FCRL5: variants seen among roughly 807,000 people sequenced by gnomAD.
The protein encoded by FCRL5 is Fc receptor-like protein 5.
Under a neutral mutation model 92.1 loss-of-function variants are expected in FCRL5, and 79 were observed. That is an observed-to-expected ratio of 0.86 (90% CI 0.72 to 1.03). The LOEUF is 1.03. Among genes scored for constraint, FCRL5 ranks in the 50% least tolerant of loss-of-function variants. The pLI is 0.00. For missense variants in FCRL5, 1,160 were observed against 1,181.1 expected, an observed-to-expected ratio of 0.98 and a Z score of 0.26; for synonymous variants, 466 against 469.3, an observed-to-expected ratio of 0.99 and a Z score of 0.09.
intron 6 of FCRL5, among the ~76,000 whole-genome samples, chr1:157,540,829 G>A (rs143598510): frequency 4.6e-5 from 7 of 152,290 alleles, no homozygotes; most frequent in Non-Finnish European, 8.8e-5. Flanking sequence ...AAGTTCTGGT[G>A]TTTGTATATT....
At chr1:157,544,674 T>A in intron 4 of FCRL5, 128 bp from the exon 5 acceptor site, 1 of 1,429,360 alleles carries the variant, frequency 7.0e-7, no homozygotes, top group East Asian at 2.3e-5. Context: ...CTAGCTTCCT[T>A]CAGCCCAAAA....
At chr1:157,543,963 T>C (rs1178484456) in intron 5 of FCRL5, among the ~76,000 whole-genome samples, 1 of 148,056 alleles carries the variant, frequency 6.8e-6, no homozygotes, top group Admixed American at 6.7e-5. Flanking sequence ...CCATGGCTTA[T>C]CCCTATGGGC....
chr1:157,546,890 A>G (rs1651562503), intron 3 of FCRL5, 53 bp downstream of exon 3: 2 of 1,583,310 alleles, frequency 1.3e-6, no homozygotes, highest in Non-Finnish European at 1.7e-6. Flanking sequence ...AGCTAGAGAG[A>G]AACATGGGCT....
chr1:157,518,874 G>T, intron 13 of FCRL5, 92 bp from the exon 14 acceptor site: 1 of 986,484 alleles, frequency 1.0e-6, no homozygotes, highest in Non-Finnish European at 1.5e-6. Flanking sequence ...ACTGCAGGGT[G>T]GCTGCCAGGC....
chr1:157,537,995 G>T (rs1404511245), intron 7 of FCRL5, among the ~76,000 whole-genome samples: 2 of 152,146 alleles, frequency 1.3e-5, no homozygotes, highest in Non-Finnish European at 2.9e-5. Flanking sequence ...GCAGGGCCAG[G>T]TTAGTGTAGT....
rs1571077081 is a variant in FCRL5 at position 157,521,405 on chromosome 1, A to G, written c.2240-113T>C. On this transcript the variant is annotated intron_variant, in intron 10 of 16. Coordinates refer to ENST00000361835, the MANE Select transcript of FCRL5 (RefSeq NM_031281.3). ...ATATCTCAATCTTGGAAAGTAGATT[A>G]AAACATAGATGATAAAGCTAATTAC... 4 of 1,281,066 alleles carry G rather than the reference A, an allele frequency of 3.1e-6. No individual in the cohort carries two copies. In the East Asian group the frequency reaches 1.0e-4, roughly 33 times the overall value. 79.4% of individuals were successfully genotyped at this position (1,281,066 alleles called of 1,614,324 possible). A position where few individuals can be genotyped will look rare whatever the true frequency, so the allele number is the denominator to read the frequency against.
Position 157,521,312 on chromosome 1 carries a change from C to T in FCRL5, c.2240-20G>A. ...CCGGAACTGAAAGAGAACAAAAAGT[C>T]AACAGCAGTTTCTGCTTCTAACATA... On this transcript the variant is annotated intron_variant, in intron 10 of 16. Transcript: ENST00000361835. The T allele has an allele frequency of 6.3e-7, 1 of 1,576,640 alleles. No homozygotes were observed. Among genetic ancestry groups the T allele is most frequent in the Non-Finnish European group, 8.6e-7 (1 of 1,163,766 alleles).
At chr1:157,532,666 C>G (rs1650753045) in intron 8 of FCRL5, 2 of 152,128 alleles carry the variant, frequency 1.3e-5, no homozygotes, top group South Asian at 4.1e-4. Flanking sequence ...CTTGTCTACA[C>G]AATATTCTCA....
Position 157,542,863 on chromosome 1 carries a change from G to A in FCRL5, c.1119C>T (p.Val373=). ...AKPSKAVSLS[V]TVPVSHPVLN... Reference sequence around the variant, plus strand: ...TGGCAGGAATGCAGGGCTTACCAGTGACTGAGAGGCTCACAGCCTTACTGG... The same window carrying A: ...TGGCAGGAATGCAGGGCTTACCAGTAACTGAGAGGCTCACAGCCTTACTGG... Residue 373 remains valine (V), a synonymous_variant, in exon 6 of 17, where the codon GTC becomes GTT. Coordinates refer to ENST00000361835, the MANE Select transcript of FCRL5 (RefSeq NM_031281.3). 1.2e-6 allele frequency: 2 copies of A among 1,611,240 alleles called. No individual in the cohort carries two copies. The highest frequency in any genetic ancestry group is 2.2e-5 in the South Asian group (2 of 90,824).
intron 2 of FCRL5, chr1:157,547,444 AAT>A (rs765171735): frequency 4.3e-6 from 3 of 693,386 alleles, no homozygotes; most frequent in Admixed American, 1.9e-5. Flanking sequence ...TTCGCCATCA[AAT>A]ATCACAGTTA....
At chr1:157,546,876 T>A (rs1324102895) in intron 3 of FCRL5, 67 bp downstream of exon 3, 1 of 1,558,874 alleles carries the variant, frequency 6.4e-7, no homozygotes, top group Non-Finnish European at 8.7e-7. Flanking sequence ...TAAACAGTAA[T>A]AACAGCTAGA....
intron 9 of FCRL5, among the ~76,000 whole-genome samples, chr1:157,526,724 G>A (rs947664749): frequency 1.3e-5 from 2 of 152,060 alleles, no homozygotes; most frequent in African/African-American, 4.8e-5. Context: ...GAGTGGAGGG[G>A]GTTATTGTCT....
intron 5 of FCRL5, among the ~76,000 whole-genome samples, chr1:157,543,502 C>T (rs1165097010): frequency 6.6e-6 from 1 of 152,196 alleles, no homozygotes; most frequent in Non-Finnish European, 1.5e-5. Context: ...TCTTTATTTA[C>T]AGGTGAGAAA....
chr1:157,534,721 A>G lies in FCRL5; in HGVS notation c.1574T>C (p.Val525Ala), dbSNP rs750361179. The stretch of plus-strand genomic sequence containing the variant: ...TTCAGTCAGAGAGAAGCTGAAGGAC[A>G]CTCTTCCCACAGAGGGTGTTGAGCT... ...WSSSTPSVGRVSFSFSLTEGH... is the reference protein window; with the variant it reads ...WSSSTPSVGRASFSFSLTEGH... The change falls in exon 8 of 17, where the codon GTG becomes GCG. Residue 525 changes from valine to alanine, a missense_variant. By Grantham distance (64) the Val-to-Ala change is moderately conservative. Transcript: ENST00000361835. 7 of 1,614,030 alleles carry G rather than the reference A, an allele frequency of 4.3e-6. No individual in the cohort carries two copies. In the East Asian group the frequency reaches 8.9e-5, roughly 21 times the overall value.
Position 157,515,636 on chromosome 1 carries a change from G to C in FCRL5, c.*39C>G, listed in dbSNP as rs140510603. 57 of 1,614,172 alleles carry C rather than the reference G, an allele frequency of 3.5e-5. 1 individual carries two copies. In the African/African-American group the frequency reaches 6.8e-4, roughly 19 times the overall value. On this transcript the variant is annotated 3_prime_UTR_variant, in exon 17 of 17. Coordinates refer to ENST00000361835, the MANE Select transcript of FCRL5 (RefSeq NM_031281.3). ...CTTCTCCCCCAAGGGGAACTTTGGG[G>C]TGCAGAGGCTGAAACAGCAGTTGGA...
rs1309378536 is a variant in FCRL5, at chr1:157,544,477, G to A, written c.629C>T (p.Thr210Ile). Residue 210 changes from threonine to isoleucine, a missense_variant, in exon 5 of 17, where the codon ACC becomes ATC. Thr to Ile is a moderately conservative substitution (Grantham distance 89). Coordinates refer to ENST00000361835, the MANE Select transcript of FCRL5 (RefSeq NM_031281.3). ...CTCTAGAGAGAGCTGGGTCTCACAG[G>A]TCAGGGTCACTGGGTTCCCGCTGAT... is the stretch of plus-strand genomic sequence containing the variant. ...QPISGNPVTL[T>I]CETQLSLERS... 1.2e-6 allele frequency: 2 copies of A among 1,614,194 alleles called. No homozygotes were observed. Among genetic ancestry groups the A allele is most frequent in the Admixed American group, 1.7e-5 (1 of 60,030 alleles).
At chr1:157,522,523 C>A (rs1650245838) in intron 10 of FCRL5, 1 of 152,194 alleles carries the variant, frequency 6.6e-6, no homozygotes, top group African/African-American at 2.4e-5. Flanking sequence ...ACAGGTTTAT[C>A]TTAATAATTA....
chr1:157,535,777 GTAT>G (rs1650939645), intron 7 of FCRL5, among the ~76,000 whole-genome samples: 1 of 152,000 alleles, frequency 6.6e-6, no homozygotes, highest in Non-Finnish European at 1.5e-5. Flanking sequence ...AATGAGGTAG[GTAT>G]TATTGTTGTC....
chr1:157,517,206 C>T (rs192997695), intron 15 of FCRL5, among the ~76,000 whole-genome samples: 1 of 152,268 alleles, frequency 6.6e-6, no homozygotes, highest in East Asian at 1.9e-4. Flanking sequence ...ATGACATAGC[C>T]AGACCTCCAG....
Sources: allele counts gnomAD v4.1 joint callset (sites outside exome capture counted in the v4.1 genomes callset), GRCh38; gene constraint gnomAD v4.1.1; transcripts MANE v1.5; gene names NCBI Gene and HGNC (gene_info 2026-07-23, HGNC 2026-07-21).